The following ASB2 variants were observed in gnomAD, a reference collection of about 807,000 sequenced individuals.
ASB2 encodes the protein ankyrin repeat and SOCS box protein 2.
Under a neutral mutation model 62.4 loss-of-function variants are expected in ASB2, and 58 were observed. The ratio of observed to expected loss-of-function variants is 0.93; its 90% CI spans 0.75 to 1.16. The LOEUF is 1.16. Among genes scored for constraint, ASB2 ranks in the 50% most tolerant of loss-of-function variants. The pLI is 0.00. For missense variants in ASB2, 928 were observed against 887.9 expected, an observed-to-expected ratio of 1.05 and a Z score of -0.57; for synonymous variants, 386 against 385.3, an observed-to-expected ratio of 1.00 and a Z score of -0.02.
intron 2 of ASB2, among the ~76,000 whole-genome samples, chr14:93,961,429 G>A (rs1889405405): frequency 6.6e-6 from 1 of 152,210 alleles, no homozygotes; most frequent in South Asian, 2.1e-4. Context: ...GCCTGCCACA[G>A]GTCAGACACA....
intron 9 of ASB2, among the ~76,000 whole-genome samples, chr14:93,936,538 G>C (rs1888277460): frequency 1.3e-5 from 2 of 152,224 alleles, no homozygotes; most frequent in African/African-American, 2.4e-5. Context: ...TAAGCCCTGA[G>C]TGAATGGGCA....
rs1889231366 is a variant in ASB2 at position 93,956,801 on chromosome 14, T to C, written c.276A>G (p.Lys92=). The C allele has an allele frequency of 1.2e-6, 2 of 1,614,062 alleles. No homozygotes were observed. Among genetic ancestry groups the C allele is most frequent in the African/African-American group, 2.7e-5 (2 of 74,922 alleles). ...AGGTCTTGAACAAGCTGCTGCTGTA[T>C]TTCTGCATGACCCCTTGGAACAAGC... ...PMGLFQGVMQ[K]YSSSLFKTSQ... is the part of the protein sequence containing the mutation. The change falls in exon 3 of 10, where the codon AAA becomes AAG. Residue 92 remains lysine (K), a synonymous_variant. Transcript: ENST00000555019.
intron 2 of ASB2, chr14:93,957,475 TCAGA>T (rs1180727506): frequency 1.2e-6 from 1 of 821,810 alleles, no homozygotes; most frequent in Non-Finnish European, 1.5e-6. Context: ...AGGGCTGCAG[TCAGA>T]CAGACACAGG....
intron 9 of ASB2, among the ~76,000 whole-genome samples, chr14:93,936,615 C>G (rs1218941184): frequency 6.6e-6 from 1 of 152,254 alleles, no homozygotes; most frequent in African/African-American, 2.4e-5. Context: ...CAAGTGGCTT[C>G]CAGGCACCTG....
At chr14:93,962,082 G>T (rs977438615) in intron 2 of ASB2, among the ~76,000 whole-genome samples, 18 of 151,756 alleles carry the variant, frequency 1.2e-4, no homozygotes, top group African/African-American at 4.4e-4. Flanking sequence ...GTGCATTTGG[G>T]GGGAGAAGAA....
At chr14:93,959,565 G>A (rs991872627) in intron 2 of ASB2, among the ~76,000 whole-genome samples, 11 of 152,242 alleles carry the variant, frequency 7.2e-5, no homozygotes, top group African/African-American at 2.4e-4. Context: ...CATCACAGGC[G>A]AGAGGAGCCT....
intron 2 of ASB2, 29 bp downstream of exon 2, chr14:93,964,305 A>C: frequency 6.5e-7 from 1 of 1,532,042 alleles, no homozygotes; most frequent in East Asian, 2.4e-5. Flanking sequence ...GGATGGCCCC[A>C]CTTCCCTCAT....
intron 1 of ASB2, 149 bp from the exon 2 acceptor site, chr14:93,964,761 A>G (rs1889532474): frequency 5.5e-6 from 3 of 550,378 alleles, no homozygotes; most frequent in South Asian, 2.0e-5. Context: ...CCACCTATCC[A>G]TCTATATATC....
chr14:93,950,890 G>A (rs946291961), intron 6 of ASB2, 109 bp downstream of exon 6: 5 of 1,228,592 alleles, frequency 4.1e-6, no homozygotes, highest in African/African-American at 1.5e-5. Flanking sequence ...CACTCCATCA[G>A]TGTGCGCACA....
At chr14:93,942,252 G>A (rs1888555356) in intron 7 of ASB2, 1 of 456,082 alleles carries the variant, frequency 2.2e-6, no homozygotes, top group South Asian at 1.5e-5. Context: ...TCATGAAGAG[G>A]AACAAAGGTG....
At chr14:93,939,043 G>A in intron 8 of ASB2, 65 bp downstream of exon 8, 1 of 1,303,498 alleles carries the variant, frequency 7.7e-7, no homozygotes, top group Non-Finnish European at 1.0e-6. Flanking sequence ...CGCCTCCCAT[G>A]CGCGCGCGCG....
At chr14:93,945,445 CTG>C (rs1888688967) in intron 7 of ASB2, among the ~76,000 whole-genome samples, 1 of 152,250 alleles carries the variant, frequency 6.6e-6, no homozygotes, top group Non-Finnish European at 1.5e-5. Context: ...TGAGCACACA[CTG>C]GGTGCAGGCG....
In ASB2 at chr14:93,939,655, A is replaced by G. The variant is rs1465621730; in HGVS notation, c.1070T>C (p.Leu357Pro). Residue 357 changes from leucine (L) to proline (P), a missense_variant, in exon 8 of 10, where the codon CTG (leucine) becomes CCG (proline). Coordinates refer to ENST00000555019, the MANE Select transcript of ASB2 (RefSeq NM_001202429.2). ...TATGCGCGTGCGGCTGGTCACCGGCAGCAGCATCTGCACGATCCTGCCGGG... is the reference window on the plus strand; with the variant it reads ...TATGCGCGTGCGGCTGGTCACCGGCGGCAGCATCTGCACGATCCTGCCGGG... ...KGNYRIVQML[L>P]PVTSRTRIRR... 1.3e-6 allele frequency: 2 copies of G among 1,507,154 alleles called. No individual in the cohort carries two copies. Among genetic ancestry groups the G allele is most frequent in the Non-Finnish European group, 1.8e-6 (2 of 1,135,494 alleles). 93.4% of individuals were successfully genotyped at this position (1,507,154 alleles called of 1,614,324 possible).
intron 1 of ASB2, among the ~76,000 whole-genome samples, chr14:93,969,013 G>A (rs1213134936): frequency 1.3e-5 from 2 of 152,176 alleles, no homozygotes; most frequent in Non-Finnish European, 2.9e-5. Context: ...TCCCACTGAG[G>A]TCCTCAGCCT....
At chr14:93,945,432 G>A (rs1467859587) in intron 7 of ASB2, among the ~76,000 whole-genome samples, 2 of 152,216 alleles carry the variant, frequency 1.3e-5, no homozygotes, top group Non-Finnish European at 2.9e-5. Context: ...AGCATAGGAC[G>A]CCTGAGCACA....
chr14:93,950,368 G>T (rs1162164340), intron 6 of ASB2, among the ~76,000 whole-genome samples: 1 of 152,190 alleles, frequency 6.6e-6, no homozygotes, highest in Non-Finnish European at 1.5e-5. Context: ...TTGCTACTGG[G>T]CCATCATAAT....
intron 2 of ASB2, among the ~76,000 whole-genome samples, chr14:93,962,079 TG>T (rs1223332811): frequency 6.7e-6 from 1 of 150,070 alleles, no homozygotes; most frequent in Non-Finnish European, 1.5e-5. Flanking sequence ...AATGTGCATT[TG>T]GGGGGAGAAG....
At chr14:93,973,519 T>C (rs1889820870) in intron 1 of ASB2, among the ~76,000 whole-genome samples, 1 of 152,154 alleles carries the variant, frequency 6.6e-6, no homozygotes, top group Admixed American at 6.5e-5. Context: ...GCACAGGACA[T>C]GCCCACTACC....
intron 7 of ASB2, chr14:93,942,388 A>C (rs1240802385): frequency 4.6e-6 from 2 of 430,744 alleles, no homozygotes; most frequent in East Asian, 1.4e-4. Flanking sequence ...AGACCGGAGC[A>C]GATCCAGCTC....
Sources: allele counts gnomAD v4.1 joint callset (sites outside exome capture counted in the v4.1 genomes callset), GRCh38; gene constraint gnomAD v4.1.1; transcripts MANE v1.5; gene names NCBI Gene and HGNC (gene_info 2026-07-23, HGNC 2026-07-21).